The following COL14A1 variants were observed in gnomAD, a reference collection of about 807,000 sequenced individuals.
COL14A1 encodes collagen alpha-1(XIV) chain.
Under a neutral mutation model 230.3 loss-of-function variants are expected in COL14A1, and 136 were observed. That is an observed-to-expected ratio of 0.59 (90% CI 0.51 to 0.68). COL14A1 has a LOEUF of 0.68. Among genes scored for constraint, COL14A1 ranks in the 30% least tolerant of loss-of-function variants. COL14A1 has a pLI of 0.00. For synonymous variants in COL14A1, 792 were observed against 784.1 expected (o/e 1.01, Z -0.17); for missense variants, 1,976 against 2,215.8 (o/e 0.89, Z 2.17).
intron 24 of COL14A1, 130 bp from the exon 25 acceptor site, chr8:120,266,697 C>T: frequency 1.3e-6 from 1 of 743,872 alleles, no homozygotes; most frequent in Non-Finnish European, 2.3e-6. Context: ...ATTTATAGTA[C>T]TCATTAAATT....
intron 5 of COL14A1, among the ~76,000 whole-genome samples, chr8:120,169,575 G>C (rs942504574): frequency 6.6e-6 from 1 of 151,406 alleles, no homozygotes; most frequent in Non-Finnish European, 1.5e-5. Context: ...TAAATATTTT[G>C]AGTATGAAAC....
chr8:120,180,111 A>G lies in COL14A1; in HGVS notation c.436+11864A>G, dbSNP rs72675787. The stretch of plus-strand genomic sequence containing the variant: ...AAAAACACTAGAAAAAAACCTAGGC[A>G]AAACCTCTGTTTTTAAAAAGTGATA... On this transcript the variant is annotated intron_variant, in intron 5 of 47. Coordinates refer to ENST00000297848, the MANE Select transcript of COL14A1 (RefSeq NM_021110.4). Among the ~76,000 whole-genome samples the G allele has an allele frequency of 2.2e-3, 337 of 152,342 alleles. 2 individuals carry two copies. The highest frequency in any genetic ancestry group is 5.8e-3 in the South Asian group (28 of 4,826).
At chr8:120,246,478 A>C (rs16893728) in intron 20 of COL14A1, among the ~76,000 whole-genome samples, 11,277 of 152,220 alleles carry the variant, frequency 0.074, 940 homozygotes, top group East Asian at 0.4. Context: ...GTTGCTGCTA[A>C]ATAAATGTTT....
chr8:120,227,342 C>T lies in COL14A1; in HGVS notation c.2127C>T (p.Val709=), dbSNP rs112849532. 4.7e-4 allele frequency: 755 copies of T among 1,613,556 alleles called. 3 individuals carry two copies. The African/African-American group carries it at 9.0e-3, about 19-fold the overall frequency. Residue 709 remains valine (V), a synonymous_variant, in exon 17 of 48, where the codon GTC becomes GTT. Coordinates refer to ENST00000297848, the MANE Select transcript of COL14A1 (RefSeq NM_021110.4). ...DGSESEVVTA[V]GTTLDSFWTE... ...GCGAGAGTGAGGTGGTGACTGCTGT[C>T]GGGACCACACGTAAGTCTTGGTCTG...
At position 120,222,338 on chromosome 8, in the gene COL14A1, G is replaced by A. The variant is rs368477901; in HGVS notation, c.1738-2750G>A. Among the ~76,000 whole-genome samples the A allele has an allele frequency of 1.2e-4, 18 of 152,290 alleles. No individual in the cohort carries two copies. In the East Asian group the frequency reaches 1.5e-3, roughly 13 times the overall value. ...TCCATATTTTCAATTAACCATTGCC[G>A]TGTAACCAACACTACAGCTTAAAAT... On this transcript the variant is annotated intron_variant, in intron 14 of 47. Coordinates refer to ENST00000297848, the MANE Select transcript of COL14A1 (RefSeq NM_021110.4).
intron 19 of COL14A1, among the ~76,000 whole-genome samples, chr8:120,235,372 T>A (rs1401893938): frequency 6.6e-6 from 1 of 152,116 alleles, no homozygotes; most frequent in African/African-American, 2.4e-5. Flanking sequence ...GTTTTCACCA[T>A]GTTGGCCAGG....
intron 5 of COL14A1, among the ~76,000 whole-genome samples, chr8:120,195,852 C>A (rs1188205854): frequency 2.0e-5 from 3 of 152,144 alleles, no homozygotes; most frequent in African/African-American, 7.2e-5. Flanking sequence ...GGTGGGGACA[C>A]AACCAAACCA....
chr8:120,136,245 A>T (rs1477437325), intron 1 of COL14A1, among the ~76,000 whole-genome samples: 1 of 152,140 alleles, frequency 6.6e-6, no homozygotes, highest in Non-Finnish European at 1.5e-5. Flanking sequence ...TGGAGTTTTC[A>T]TTGATGCCCT....
chr8:120,238,374 A>C (rs545841537), intron 19 of COL14A1, among the ~76,000 whole-genome samples: 1 of 152,160 alleles, frequency 6.6e-6, no homozygotes, highest in African/African-American at 2.4e-5. Flanking sequence ...GGCTCTGCCC[A>C]GTCCAAACTT....
At chr8:120,360,771 A>G (rs1389551378) in intron 45 of COL14A1, among the ~76,000 whole-genome samples, 1 of 152,172 alleles carries the variant, frequency 6.6e-6, no homozygotes, top group Admixed American at 6.5e-5. Context: ...CCGGATTCCC[A>G]GTGGCTGATG....
At chr8:120,156,609 G>A (rs1389497502) in intron 2 of COL14A1, among the ~76,000 whole-genome samples, 2 of 152,174 alleles carry the variant, frequency 1.3e-5, no homozygotes, top group Admixed American at 6.5e-5. Flanking sequence ...AATTGGAATA[G>A]CAATGTATGT....
chr8:120,166,587 G>A (rs1275918833), intron 4 of COL14A1, among the ~76,000 whole-genome samples: 1 of 152,132 alleles, frequency 6.6e-6, no homozygotes, highest in Non-Finnish European at 1.5e-5. Flanking sequence ...ATATTAAAGT[G>A]GCAGACATAT....
chr8:120,128,226 C>CGTGTGTGTGTGT (rs1191519762), intron 1 of COL14A1, among the ~76,000 whole-genome samples: 2 of 100,544 alleles, frequency 2.0e-5, no homozygotes, highest in African/African-American at 8.3e-5. Flanking sequence ...TGTGTGCGCG[C>CGTGTGTGTGTGT]GCGTGTGTGT....
At chr8:120,137,138 C>A (rs1270786152) in intron 1 of COL14A1, among the ~76,000 whole-genome samples, 3 of 152,012 alleles carry the variant, frequency 2.0e-5, no homozygotes, top group Non-Finnish European at 4.4e-5. Context: ...AATTTAATCT[C>A]TTTAATAGAT....
chr8:120,198,943 C>G (rs1421845181), intron 7 of COL14A1, among the ~76,000 whole-genome samples: 1 of 152,144 alleles, frequency 6.6e-6, no homozygotes, highest in Non-Finnish European at 1.5e-5. Context: ...GTGTCATGCT[C>G]AAAAGGCAGG....
chr8:120,253,123 C>A (rs1586806443), intron 22 of COL14A1, among the ~76,000 whole-genome samples: 1 of 152,254 alleles, frequency 6.6e-6, no homozygotes, highest in East Asian at 1.9e-4. Context: ...CTTAGTTATA[C>A]CACAGCATCT....
rs548144711 is a variant in COL14A1 at position 120,369,567 on chromosome 8, T to C, written c.5311+82T>C. On this transcript the variant is annotated intron_variant, in intron 47 of 47. Coordinates refer to ENST00000297848, the MANE Select transcript of COL14A1 (RefSeq NM_021110.4). ...GTACCAAAATGGGAAGATAGTGCTA[T>C]GAAAAAAGTTAAATTGGTTATGAAT... 49 of 1,322,572 alleles carry C rather than the reference T, an allele frequency of 3.7e-5. No homozygotes were observed. The East Asian group carries it at 1.3e-3, about 34-fold the overall frequency. 81.9% of individuals were successfully genotyped at this position (1,322,572 alleles called of 1,614,324 possible). A position where few individuals can be genotyped will look rare whatever the true frequency, so the allele number is the denominator to read the frequency against.
rs931310882 is a variant in COL14A1, at chr8:120,372,791, A to G, written c.*1560A>G. Among the ~76,000 whole-genome samples, 1 of 152,000 alleles carries G rather than the reference A, an allele frequency of 6.6e-6. No homozygotes were observed. The highest frequency in any genetic ancestry group is 1.5e-5 in the Non-Finnish European group (1 of 67,992). Reference sequence around the variant, plus strand: ...CTTCAGACTTCATCTGAAGGATTCAAACAATCTACTTGTGTGCCTTTGGTG... The same window carrying G: ...CTTCAGACTTCATCTGAAGGATTCAGACAATCTACTTGTGTGCCTTTGGTG... On this transcript the variant is annotated 3_prime_UTR_variant, in exon 48 of 48. Transcript: ENST00000297848.
intron 45 of COL14A1, among the ~76,000 whole-genome samples, chr8:120,357,172 G>T (rs35248031): frequency 0.49 from 73,809 of 151,524 alleles, 19,005 homozygotes; most frequent in African/African-American, 0.68. Flanking sequence ...CGTGGGTCCT[G>T]TTGGCTAAGA....
Sources: allele counts gnomAD v4.1 joint callset (sites outside exome capture counted in the v4.1 genomes callset), GRCh38; gene constraint gnomAD v4.1.1; transcripts MANE v1.5; gene names NCBI Gene and HGNC (gene_info 2026-07-23, HGNC 2026-07-21).